TMOD2: variants seen among roughly 807,000 people sequenced by gnomAD.
TMOD2 encodes tropomodulin 2, also known as tropomodulin-2.
In TMOD2, 22 loss-of-function variants were observed where a neutral mutation model predicts 39.9. The observed-to-expected ratio is 0.55, with a 90% CI of 0.39 to 0.79. TMOD2 has a LOEUF of 0.79. TMOD2 is among the 30% of genes least tolerant of loss of function. The pLI, the probability that TMOD2 is intolerant of heterozygous loss-of-function variation, is 0.00. For missense variants in TMOD2, 386 were observed against 413.3 expected, an observed-to-expected ratio of 0.93 and a Z score of 0.57; for synonymous variants, 123 against 146.1, an observed-to-expected ratio of 0.84 and a Z score of 1.14.
intron 8 of TMOD2, among the ~76,000 whole-genome samples, chr15:51,804,830 CAAAGTGCTGGG>C (rs752947738): frequency 3.4e-4 from 52 of 152,294 alleles, no homozygotes; most frequent in Middle Eastern, 6.8e-3. Context: ...CTCAGCCTTC[CAAAGTGCTGGG>C]ATTACAGGCA....
At chr15:51,797,731 T>A (rs1009418480) in intron 7 of TMOD2, among the ~76,000 whole-genome samples, 2 of 152,146 alleles carry the variant, frequency 1.3e-5, no homozygotes, top group Non-Finnish European at 2.9e-5. Flanking sequence ...GATTTATACA[T>A]GATCTGAAAT....
chr15:51,797,482 A>G (rs1163034010), intron 7 of TMOD2, among the ~76,000 whole-genome samples: 1 of 151,958 alleles, frequency 6.6e-6, no homozygotes, highest in Non-Finnish European at 1.5e-5. Context: ...GAATCTTTCT[A>G]TTTTCTGTAT....
intron 1 of TMOD2, among the ~76,000 whole-genome samples, chr15:51,763,215 A>G (rs1178952932): frequency 6.6e-6 from 1 of 152,250 alleles, no homozygotes; most frequent in African/African-American, 2.4e-5. Context: ...TTGGGACTAC[A>G]GGCGTGAGCC....
chr15:51,754,768 A>G (rs866378231), intron 1 of TMOD2, among the ~76,000 whole-genome samples: 2 of 152,302 alleles, frequency 1.3e-5, no homozygotes, highest in African/African-American at 4.8e-5. Context: ...AGAGCCTTTC[A>G]TGGGTTAATG....
intron 7 of TMOD2, among the ~76,000 whole-genome samples, chr15:51,788,054 T>C (rs2055983127): frequency 1.3e-5 from 2 of 152,182 alleles, no homozygotes. Flanking sequence ...AACAAACTTC[T>C]CTGAGCAAAA....
intron 3 of TMOD2, 152 bp downstream of exon 3, chr15:51,768,570 G>T: frequency 1.2e-6 from 1 of 850,468 alleles, no homozygotes. Context: ...ATAAGCCCAT[G>T]AATTGGATTC....
At chr15:51,760,697 T>G (rs1230654548) in intron 1 of TMOD2, among the ~76,000 whole-genome samples, 2 of 151,808 alleles carry the variant, frequency 1.3e-5, no homozygotes, top group Non-Finnish European at 2.9e-5. Flanking sequence ...TCGCAGCTAC[T>G]CTGGAGGCTG....
chr15:51,797,946 C>G (rs2056062854), intron 7 of TMOD2, among the ~76,000 whole-genome samples: 1 of 148,880 alleles, frequency 6.7e-6, no homozygotes, highest in African/African-American at 2.5e-5. Context: ...ATCTGTAATC[C>G]TATGTCAGTA....
At position 51,787,917 on chromosome 15, in the gene TMOD2, C is replaced by T. The variant is rs527305479; in HGVS notation, c.732+5089C>T. 1.2e-4 allele frequency among the ~76,000 whole-genome samples: 18 copies of T among 152,234 alleles called. No homozygotes were observed. In the East Asian group the frequency reaches 2.1e-3, roughly 18 times the overall value. ...ACGGGGAGAAACCAGAGCAGAAAGG[C>T]GGAAAATTCCCAAAACCAGAACGCC... On this transcript the variant is annotated intron_variant, in intron 7 of 9. Coordinates refer to ENST00000249700, the MANE Select transcript of TMOD2 (RefSeq NM_014548.4).
intron 8 of TMOD2, among the ~76,000 whole-genome samples, chr15:51,800,124 C>T (rs74723834): frequency 6.6e-6 from 1 of 152,202 alleles, no homozygotes. Context: ...GAAAGTCAAA[C>T]TTAACTGGGT....
In TMOD2 at chr15:51,813,484, C is replaced by T. The variant is rs909951672; in HGVS notation, c.*5030C>T. On this transcript the variant is annotated 3_prime_UTR_variant, in exon 10 of 10. Coordinates refer to ENST00000249700, the MANE Select transcript of TMOD2 (RefSeq NM_014548.4). Reference sequence around the variant, plus strand: ...TCTTCCATGGTAGACATTCTGAGCACATTGGCCCAGTTAGTTGGTATGGTG... The same window carrying T: ...TCTTCCATGGTAGACATTCTGAGCATATTGGCCCAGTTAGTTGGTATGGTG... 7 of 152,210 alleles carry T rather than the reference C, an allele frequency of 4.6e-5. No individual in the cohort carries two copies. The highest frequency in any genetic ancestry group is 1.7e-4 in the African/African-American group (7 of 41,428). The allele number at this position is 152,210 out of a possible 1,614,324, so 9.4% of individuals were successfully genotyped here.
At chr15:51,787,681 C>G (rs1021159317) in intron 7 of TMOD2, among the ~76,000 whole-genome samples, 3 of 152,096 alleles carry the variant, frequency 2.0e-5, no homozygotes, top group African/African-American at 4.8e-5. Context: ...AATATTTGCT[C>G]TTCTGCAGCC....
Position 51,768,248 on chromosome 15 carries a change from CTCTT to C in TMOD2, c.127-9_127-6del. On this transcript the variant is annotated splice_polypyrimidine_tract_variant and intron_variant, in intron 2 of 9. Coordinates refer to ENST00000249700, the MANE Select transcript of TMOD2 (RefSeq NM_014548.4). ...CAGACATCTTCCTTCCTGCTCACAC[CTCTT>C]TCTTGTCAGAGTGCCATGCTGCCAG... The C allele has an allele frequency of 6.2e-7, 1 of 1,613,966 alleles. No individual in the cohort carries two copies. Among genetic ancestry groups the C allele is most frequent in the Non-Finnish European group, 8.5e-7 (1 of 1,179,900 alleles).
chr15:51,794,092 G>C (rs191472277), intron 7 of TMOD2, among the ~76,000 whole-genome samples: 201 of 152,218 alleles, frequency 1.3e-3, no homozygotes, highest in African/African-American at 4.7e-3. Context: ...GCCCTCCAGG[G>C]GACAATAGGC....
intron 7 of TMOD2, among the ~76,000 whole-genome samples, chr15:51,797,918 C>G (rs1271650198): frequency 7.1e-6 from 1 of 141,016 alleles, no homozygotes; most frequent in Non-Finnish European, 1.5e-5. Context: ...TTTTTAATGT[C>G]TCTACTTAAC....
intron 8 of TMOD2, 104 bp downstream of exon 8, chr15:51,798,444 C>A: frequency 7.5e-7 from 1 of 1,330,930 alleles, no homozygotes; most frequent in South Asian, 1.3e-5. Flanking sequence ...GTGTGTGACT[C>A]AATTTGATGT....
At chr15:51,778,747 T>C (rs187964831) in intron 5 of TMOD2, among the ~76,000 whole-genome samples, 21 of 138,836 alleles carry the variant, frequency 1.5e-4, no homozygotes, top group African/African-American at 5.3e-4. Context: ...CTCCACCTCC[T>C]GGGTTCAAGC....
At chr15:51,802,196 A>G (rs1348046356) in intron 8 of TMOD2, among the ~76,000 whole-genome samples, 1 of 151,624 alleles carries the variant, frequency 6.6e-6, no homozygotes, top group African/African-American at 2.4e-5. Flanking sequence ...TTATATAGCT[A>G]TTAGCATCTC....
intron 2 of TMOD2, chr15:51,766,854 G>C (rs1365669024): frequency 6.5e-5 from 14 of 216,076 alleles, no homozygotes; most frequent in Non-Finnish European, 3.7e-5. Context: ...AAGAAGGAAA[G>C]AGGAAAAGAG....
Sources: allele counts gnomAD v4.1 joint callset (sites outside exome capture counted in the v4.1 genomes callset), GRCh38; gene constraint gnomAD v4.1.1; transcripts MANE v1.5; gene names NCBI Gene and HGNC (gene_info 2026-07-23, HGNC 2026-07-21).